S100G: variants seen among roughly 807,000 people sequenced by gnomAD.
The protein encoded by S100G is protein S100-G.
A neutral mutation model predicts 4.4 loss-of-function variants in S100G; 4 were observed. The ratio of observed to expected loss-of-function variants is 0.91; its 90% CI spans 0.45 to 2.09. The LOEUF (loss-of-function observed/expected upper bound fraction) is 2.09, where lower values mean the gene tolerates loss of function less well. Ranked by LOEUF, S100G falls within the 30% of genes most tolerant of loss-of-function variation. The probability of loss-of-function intolerance (pLI) is 0.03; values close to 1 mark genes in which losing one functional copy is unlikely to be tolerated. For synonymous variants in S100G, 24 were observed against 20.1 expected (o/e 1.20, Z -0.53); for missense variants, 48 against 49.8 (o/e 0.96, Z 0.11).
intron 1 of S100G, 37 bp from the exon 2 acceptor site, chrX:16,650,962 G>T (rs1359448002): frequency 8.6e-7 from 1 of 1,166,410 alleles, no homozygotes; most frequent in African/African-American, 1.8e-5. Context: ...CTGTACTTCA[G>T]CTTTTTGGTA....
At chrX:16,651,182 G>A in intron 2 of S100G, 41 bp downstream of exon 2, 1 of 1,050,042 alleles carries the variant, frequency 9.5e-7, no homozygotes. Context: ...GGGACTGATG[G>A]TGGGAGGGGA....
At position 16,654,406 on chromosome X, in the gene S100G, G is replaced by T. The variant is rs781223162; in HGVS notation, c.137G>T (p.Gly46Val). ...IQAEFPSLLK[G>V]PNTLDDLFQE... ...CCCATCCTTTTTTATGTAAAACAGG[G>T]TCCAAACACCCTAGATGATCTCTTT... is the stretch of plus-strand genomic sequence containing the variant. The change falls in exon 3 of 3, where the codon GGT (glycine) becomes GTT (valine). Residue 46 changes from glycine (G) to valine (V), a missense_variant and splice_region_variant. Physicochemically the swap from Gly to Val is moderately radical, Grantham distance 109. Coordinates refer to ENST00000380200, the MANE Select transcript of S100G (RefSeq NM_004057.3). 1.7e-6 allele frequency: 2 copies of T among 1,168,201 alleles called. No individual in the cohort carries two copies. The highest frequency in any genetic ancestry group is 2.3e-6 in the Non-Finnish European group (2 of 867,515).
At chrX:16,653,455 A>T (rs1259247654) in intron 2 of S100G, among the ~76,000 whole-genome samples, 2 of 112,053 alleles carry the variant, frequency 1.8e-5, no homozygotes, top group African/African-American at 6.5e-5. Flanking sequence ...TAAAACTTTT[A>T]AAAAATTAGC....
chrX:16,653,067 G>A (rs1026568198), intron 2 of S100G, among the ~76,000 whole-genome samples: 14 of 110,569 alleles, frequency 1.3e-4, no homozygotes, highest in East Asian at 2.8e-4. Flanking sequence ...GATTAAGAGC[G>A]TAAATTCAAT....
rs376879718 is a variant in S100G at position 16,654,393 on chromosome X, T to C, written c.136-12T>C. 3 of 1,105,465 alleles carry C rather than the reference T, an allele frequency of 2.7e-6. No individual in the cohort carries two copies. Among genetic ancestry groups the C allele is most frequent in the Non-Finnish European group, 3.7e-6 (3 of 819,981 alleles). 91.1% of individuals were successfully genotyped at this position (1,105,465 alleles called of 1,213,427 possible). ...TCCCCTCCCTTCTCCCATCCTTTTT[T>C]ATGTAAAACAGGGTCCAAACACCCT... On this transcript the variant is annotated splice_polypyrimidine_tract_variant and intron_variant, in intron 2 of 2. Transcript: ENST00000380200.
chrX:16,650,258 C>T (rs1157882766), intron 1 of S100G, 55 bp downstream of exon 1: 1 of 111,518 alleles, frequency 9.0e-6, no homozygotes, highest in African/African-American at 3.3e-5. Flanking sequence ...TAATACTCTG[C>T]TTCCTTTTAG....
chrX:16,651,243 A>G (rs973386614), intron 2 of S100G, 102 bp downstream of exon 2: 75 of 783,405 alleles, frequency 9.6e-5, no homozygotes, highest in Non-Finnish European at 1.4e-4. Flanking sequence ...CCGTCGCTTG[A>G]GGGAGGACAC....
At chrX:16,652,660 C>T (rs189945355) in intron 2 of S100G, among the ~76,000 whole-genome samples, 1 of 112,135 alleles carries the variant, frequency 8.9e-6, no homozygotes, top group East Asian at 2.8e-4. Flanking sequence ...AAAGGTAACA[C>T]GGGTAACTTT....
intron 1 of S100G, among the ~76,000 whole-genome samples, chrX:16,650,511 C>CTTT (rs1167079038): frequency 1.6e-3 from 124 of 77,122 alleles, no homozygotes; most frequent in Non-Finnish European, 1.9e-3. Flanking sequence ...TCTAAGATGT[C>CTTT]TTTTTTTTTT....
chrX:16,652,036 G>A (rs1932670525), intron 2 of S100G, among the ~76,000 whole-genome samples: 1 of 110,501 alleles, frequency 9.0e-6, no homozygotes, highest in Non-Finnish European at 1.9e-5. Context: ...GCCAGTGGAT[G>A]GAAAATTACC....
chrX:16,654,658 T>C lies in S100G; in HGVS notation c.*149T>C. ...GGTTCAGTTATTATTAATAAAGAAA[T>C]TATTAGACATACCTTACTTTGTTAA... On this transcript the variant is annotated 3_prime_UTR_variant, in exon 3 of 3. Coordinates refer to ENST00000380200, the MANE Select transcript of S100G (RefSeq NM_004057.3). The C allele has an allele frequency of 2.9e-6, 1 of 350,142 alleles. No individual in the cohort carries two copies. The highest frequency in any genetic ancestry group is 8.2e-5 in the South Asian group (1 of 12,202). The allele number at this position is 350,142 out of a possible 1,213,427, so 28.9% of individuals were successfully genotyped here. A position where few individuals can be genotyped will look rare whatever the true frequency, so the allele number is the denominator to read the frequency against.
chrX:16,650,947 C>T, intron 1 of S100G, 52 bp from the exon 2 acceptor site: 1 of 1,103,111 alleles, frequency 9.1e-7, no homozygotes, highest in Middle Eastern at 2.5e-4. Context: ...ACCCTCAGCA[C>T]AAAACTGTAC....
intron 2 of S100G, among the ~76,000 whole-genome samples, chrX:16,654,150 T>A (rs1032064400): frequency 8.9e-6 from 1 of 112,599 alleles, no homozygotes; most frequent in Non-Finnish European, 1.9e-5. Flanking sequence ...AGAAAACAAC[T>A]GTATTAAAAT....
chrX:16,652,404 A>G (rs1259821149), intron 2 of S100G, among the ~76,000 whole-genome samples: 1 of 112,067 alleles, frequency 8.9e-6, no homozygotes, highest in African/African-American at 3.2e-5. Context: ...TTAATACTAA[A>G]AAAGAAAAAA....
chrX:16,652,789 G>T (rs1249444720), intron 2 of S100G, among the ~76,000 whole-genome samples: 1 of 111,335 alleles, frequency 9.0e-6, no homozygotes, highest in East Asian at 2.8e-4. Context: ...ATTCCCATAA[G>T]GTTTCCATTA....
chrX:16,653,415 T>C (rs1932745509), intron 2 of S100G, among the ~76,000 whole-genome samples: 1 of 112,249 alleles, frequency 8.9e-6, no homozygotes. Flanking sequence ...ATTCTCCAGC[T>C]TGAACAACAC....
In S100G at chrX:16,654,550, C is replaced by G. The variant is rs201526472; in HGVS notation, c.*41C>G. ...AGAACCCTGAGCACTGGAGGAAGAG[C>G]GCCTGTGCTGTGGTCTTATCCTATG... On this transcript the variant is annotated 3_prime_UTR_variant, in exon 3 of 3. Coordinates refer to ENST00000380200, the MANE Select transcript of S100G (RefSeq NM_004057.3). The G allele has an allele frequency of 5.1e-5, 43 of 840,652 alleles. No individual in the cohort carries two copies. Among genetic ancestry groups the G allele is most frequent in the Non-Finnish European group, 7.5e-5 (43 of 574,470 alleles). The allele number at this position is 840,652 out of a possible 1,213,427, so 69.3% of individuals were successfully genotyped here.
At chrX:16,654,294 G>A in intron 2 of S100G, 111 bp from the exon 3 acceptor site, 1 of 464,454 alleles carries the variant, frequency 2.2e-6, no homozygotes, top group Non-Finnish European at 3.7e-6. Flanking sequence ...GGAAACCTGA[G>A]CTGCCTTCTT....
chrX:16,654,529 C>A lies in S100G; in HGVS notation c.*20C>A. 1 of 994,233 alleles carries A rather than the reference C, an allele frequency of 1.0e-6. No homozygotes were observed. The highest frequency in any genetic ancestry group is 1.4e-6 in the Non-Finnish European group (1 of 706,748). 81.9% of individuals were successfully genotyped at this position (994,233 alleles called of 1,213,427 possible). A position where few individuals can be genotyped will look rare whatever the true frequency, so the allele number is the denominator to read the frequency against. On this transcript the variant is annotated 3_prime_UTR_variant, in exon 3 of 3. Transcript: ENST00000380200. ...CAGTGAAGGAGAAAACAAAATAGAA[C>A]CCTGAGCACTGGAGGAAGAGCGCCT...
Sources: allele counts gnomAD v4.1 joint callset (sites outside exome capture counted in the v4.1 genomes callset), GRCh38; gene constraint gnomAD v4.1.1; transcripts MANE v1.5; gene names NCBI Gene and HGNC (gene_info 2026-07-23, HGNC 2026-07-21).